Variants in AGBL4 observed in about 807,000 individuals in gnomAD.
The protein encoded by AGBL4 is cytosolic carboxypeptidase 6.
AGBL4 carries 58 observed loss-of-function variants against 66.4 expected under a neutral mutation model. That is an observed-to-expected ratio of 0.87 (90% CI 0.71 to 1.09). AGBL4 has a LOEUF of 1.09. Among genes scored for constraint, AGBL4 ranks in the 50% least tolerant of loss-of-function variants. AGBL4 has a pLI of 0.00. For synonymous variants in AGBL4, 234 were observed against 222.9 expected, an observed-to-expected ratio of 1.05 and a Z score of -0.44; for missense variants, 579 against 631.0, an observed-to-expected ratio of 0.92 and a Z score of 0.88.
intron 5 of AGBL4, among the ~76,000 whole-genome samples, chr1:48,958,233 T>A (rs1657660106): frequency 6.6e-6 from 1 of 152,204 alleles, no homozygotes; most frequent in African/African-American, 2.4e-5. Flanking sequence ...TCCCTGCACA[T>A]GCCATGATGT....
intron 1 of AGBL4, among the ~76,000 whole-genome samples, chr1:49,920,956 C>T (rs995409141): frequency 1.6e-4 from 25 of 152,126 alleles, no homozygotes; most frequent in Admixed American, 7.2e-4. Flanking sequence ...TGGATGAAGC[C>T]GGAAACTATC....
intron 6 of AGBL4, among the ~76,000 whole-genome samples, chr1:48,807,447 G>A (rs980963485): frequency 6.6e-6 from 1 of 152,228 alleles, no homozygotes; most frequent in Non-Finnish European, 1.5e-5. Flanking sequence ...GTGGCTCAGG[G>A]AGATGGGGAC....
chr1:48,733,336 C>T (rs1459393418), intron 6 of AGBL4, among the ~76,000 whole-genome samples: 1 of 151,974 alleles, frequency 6.6e-6, no homozygotes, highest in Non-Finnish European at 1.5e-5. Context: ...AATCACCAGC[C>T]CCAAATAAGG....
At chr1:49,223,614 T>C (rs189629921) in intron 4 of AGBL4, among the ~76,000 whole-genome samples, 1 of 152,220 alleles carries the variant, frequency 6.6e-6, no homozygotes, top group African/African-American at 2.4e-5. Context: ...AATTTCAAAC[T>C]GACAGCAGAC....
intron 4 of AGBL4, among the ~76,000 whole-genome samples, chr1:49,073,273 C>G (rs1644646900): frequency 6.6e-6 from 1 of 152,152 alleles, no homozygotes; most frequent in African/African-American, 2.4e-5. Flanking sequence ...ATTCTTCGTA[C>G]AGTTTTGTTC....
At chr1:48,872,829 G>C (rs1348695946) in intron 5 of AGBL4, among the ~76,000 whole-genome samples, 2 of 152,084 alleles carry the variant, frequency 1.3e-5, no homozygotes, top group African/African-American at 4.8e-5. Flanking sequence ...TAAAAAGAGC[G>C]TACGCCAACC....
intron 6 of AGBL4, among the ~76,000 whole-genome samples, chr1:48,779,539 A>C (rs1477421223): frequency 6.6e-6 from 1 of 152,158 alleles, no homozygotes; most frequent in Non-Finnish European, 1.5e-5. Flanking sequence ...TCACTAGAAT[A>C]AGAGCTCTTT....
chr1:49,735,767 T>C (rs1649834081), intron 2 of AGBL4, among the ~76,000 whole-genome samples: 1 of 152,038 alleles, frequency 6.6e-6, no homozygotes, highest in Non-Finnish European at 1.5e-5. Context: ...AAAAAAGTAA[T>C]AACTGGATTT....
chr1:49,286,039 G>A (rs536340680), intron 3 of AGBL4, among the ~76,000 whole-genome samples: 2 of 152,286 alleles, frequency 1.3e-5, no homozygotes, highest in Non-Finnish European at 2.9e-5. Context: ...TCATCCCTGC[G>A]ATGCAAGGCT....
chr1:48,859,073 C>T (rs542707755), intron 6 of AGBL4, among the ~76,000 whole-genome samples: 22 of 152,080 alleles, frequency 1.4e-4, no homozygotes, highest in African/African-American at 3.9e-4. Context: ...GCAGAAGTGA[C>T]GCCTTCTAAG....
intron 4 of AGBL4, among the ~76,000 whole-genome samples, chr1:49,107,994 C>T (rs1236523519): frequency 6.6e-6 from 1 of 152,098 alleles, no homozygotes; most frequent in Non-Finnish European, 1.5e-5. Context: ...AACCTAAAAA[C>T]CCACTTCAGG....
At chr1:48,679,729 T>C (rs1275768163) in intron 6 of AGBL4, among the ~76,000 whole-genome samples, 2 of 152,212 alleles carry the variant, frequency 1.3e-5, no homozygotes, top group Non-Finnish European at 2.9e-5. Flanking sequence ...CCAGAGGTGG[T>C]TGTGACATTA....
chr1:49,700,600 T>C (rs1406135480), intron 2 of AGBL4, among the ~76,000 whole-genome samples: 1 of 152,130 alleles, frequency 6.6e-6, no homozygotes, highest in Admixed American at 6.6e-5. Context: ...TCAAAACTGA[T>C]CATATGCTCG....
intron 3 of AGBL4, among the ~76,000 whole-genome samples, chr1:49,480,860 C>A (rs956240714): frequency 1.3e-5 from 2 of 152,062 alleles, no homozygotes; most frequent in Non-Finnish European, 2.9e-5. Flanking sequence ...ATATGGCTAG[C>A]CAGTTATTAC....
chr1:49,678,791 T>C (rs966254203), intron 3 of AGBL4, among the ~76,000 whole-genome samples: 63 of 152,288 alleles, frequency 4.1e-4, no homozygotes, highest in Admixed American at 9.8e-4. Context: ...TATTTGCTTT[T>C]AGTTCCATTC....
chr1:49,985,081 T>C (rs1659387235), intron 1 of AGBL4, among the ~76,000 whole-genome samples: 1 of 152,100 alleles, frequency 6.6e-6, no homozygotes, highest in African/African-American at 2.4e-5. Flanking sequence ...AAATATGTTA[T>C]AGAAGCCAAG....
intron 3 of AGBL4, among the ~76,000 whole-genome samples, chr1:49,393,720 G>A (rs889199081): frequency 6.6e-6 from 1 of 152,172 alleles, no homozygotes; most frequent in African/African-American, 2.4e-5. Flanking sequence ...TTTTGATAGG[G>A]AATTAAGAGG....
intron 6 of AGBL4, among the ~76,000 whole-genome samples, chr1:48,773,748 C>G (rs1644946806): frequency 6.6e-6 from 1 of 152,142 alleles, no homozygotes; most frequent in South Asian, 2.1e-4. Context: ...CCAGCCTTGC[C>G]ATTTATTAGC....
chr1:49,411,713 A>G (rs1645318774), intron 3 of AGBL4, among the ~76,000 whole-genome samples: 1 of 152,198 alleles, frequency 6.6e-6, no homozygotes, highest in Non-Finnish European at 1.5e-5. Context: ...AATAAACTAA[A>G]GAATTAATCC....
Sources: allele counts gnomAD v4.1 joint callset (sites outside exome capture counted in the v4.1 genomes callset), GRCh38; gene constraint gnomAD v4.1.1; transcripts MANE v1.5; gene names NCBI Gene and HGNC (gene_info 2026-07-23, HGNC 2026-07-21).